Variants in GPM6B observed in about 807,000 individuals in gnomAD.
GPM6B encodes the protein glycoprotein M6B.
Under a neutral mutation model 27.2 loss-of-function variants are expected in GPM6B, and 4 were observed. That is an observed-to-expected ratio of 0.15 (90% CI 0.07 to 0.34). The LOEUF (loss-of-function observed/expected upper bound fraction) is 0.34, where lower values mean the gene tolerates loss of function less well. GPM6B is among the 10% of genes least tolerant of loss of function. The probability of loss-of-function intolerance (pLI) is 1.00; values close to 1 mark genes in which losing one functional copy is unlikely to be tolerated. For synonymous variants in GPM6B, 124 were observed against 103.1 expected, an observed-to-expected ratio of 1.20 and a Z score of -1.23; for missense variants, 183 against 261.9, an observed-to-expected ratio of 0.70 and a Z score of 2.08.
At chrX:13,919,514 A>C (rs1051842622) in intron 1 of GPM6B, among the ~76,000 whole-genome samples, 1 of 112,404 alleles carries the variant, frequency 8.9e-6, no homozygotes, top group Non-Finnish European at 1.9e-5. Context: ...TAGAGATCCA[A>C]ATATATTTAG....
In GPM6B at chrX:13,780,296, C is replaced by G. The variant is rs1198355564; in HGVS notation, c.526-307G>C. 7.1e-5 allele frequency among the ~76,000 whole-genome samples: 8 copies of G among 111,908 alleles called. No homozygotes were observed. The Admixed American group carries it at 7.6e-4, about 11-fold the overall frequency. On this transcript the variant is annotated intron_variant, in intron 4 of 7. Coordinates refer to ENST00000316715, the MANE Select transcript of GPM6B (RefSeq NM_001001995.3). ...AGGTGATCTCACTCATCCAAGGTCACAGAGCTAATCAGTGGCAGCCTCTCA... is the reference window on the plus strand; with the variant it reads ...AGGTGATCTCACTCATCCAAGGTCAGAGAGCTAATCAGTGGCAGCCTCTCA...
chrX:13,813,145 A>G (rs1024377725), intron 1 of GPM6B, among the ~76,000 whole-genome samples: 3 of 111,599 alleles, frequency 2.7e-5, no homozygotes, highest in Non-Finnish European at 3.8e-5. Flanking sequence ...TTCGCAGATC[A>G]TCAGGAATAG....
chrX:13,831,956 C>T (rs1010094824), intron 1 of GPM6B, among the ~76,000 whole-genome samples: 1 of 111,416 alleles, frequency 9.0e-6, no homozygotes, highest in African/African-American at 3.3e-5. Flanking sequence ...ACTTAACATT[C>T]GAATGTATTT....
rs1343742582 is a variant in GPM6B, at chrX:13,817,003, C to T, written c.-99G>A. The T allele has an allele frequency of 3.5e-6, 4 of 1,135,652 alleles. No homozygotes were observed. The highest frequency in any genetic ancestry group is 1.9e-5 in the African/African-American group (1 of 53,741). The allele number at this position is 1,135,652 out of a possible 1,213,427, so 93.6% of individuals were successfully genotyped here. On this transcript the variant is annotated 5_prime_UTR_variant, in exon 1 of 8. Transcript: ENST00000316715. ...TGGACTCCCCTCCGTCTCTTATTTA[C>T]ACCCGTCTGATTGAGAGGCTCTGTT...
Position 13,796,934 on chromosome X carries a change from A to T in GPM6B, c.181+10716T>A, listed in dbSNP as rs190354901. 8.9e-5 allele frequency among the ~76,000 whole-genome samples: 10 copies of T among 112,592 alleles called. No individual in the cohort carries two copies. In the East Asian group the frequency reaches 2.5e-3, roughly 28 times the overall value. On this transcript the variant is annotated intron_variant, in intron 2 of 7. Coordinates refer to ENST00000316715, the MANE Select transcript of GPM6B (RefSeq NM_001001995.3). ...GGCTTTGGTTTTCCCAAAGGCTTTT[A>T]GCCTGGTAAAGTGGGACAGCAAGGA...
At chrX:13,825,530 A>G (rs945247203) in intron 1 of GPM6B, among the ~76,000 whole-genome samples, 2 of 112,361 alleles carry the variant, frequency 1.8e-5, no homozygotes, top group African/African-American at 6.5e-5. Context: ...GAATTTTAAG[A>G]AGGAGGGGGT....
intron 1 of GPM6B, among the ~76,000 whole-genome samples, chrX:13,916,034 C>T (rs746016530): frequency 3.6e-5 from 4 of 111,958 alleles, no homozygotes; most frequent in East Asian, 5.6e-4. Flanking sequence ...CTGAAAGGCT[C>T]GGCCGGATTT....
At chrX:13,923,760 T>C (rs763249251) in intron 1 of GPM6B, among the ~76,000 whole-genome samples, 1 of 112,733 alleles carries the variant, frequency 8.9e-6, no homozygotes, top group African/African-American at 3.2e-5. Flanking sequence ...CTTTTTTCTT[T>C]CTTTCAACCA....
intron 1 of GPM6B, among the ~76,000 whole-genome samples, chrX:13,917,866 T>C (rs2050443564): frequency 2.7e-5 from 3 of 112,723 alleles, no homozygotes; most frequent in East Asian, 2.8e-4. Flanking sequence ...GGTAATTTGC[T>C]ACATTCAGAA....
In GPM6B at chrX:13,802,100, C is replaced by T. The variant is rs554042039; in HGVS notation, c.181+5550G>A. Among the ~76,000 whole-genome samples, 120 of 110,934 alleles carry T rather than the reference C, an allele frequency of 1.1e-3. 2 individuals carry two copies. The South Asian group carries it at 0.043, about 40-fold the overall frequency. ...GCTACTTCAGAGTAATTCCAGTTAC[C>T]TCTAAGGGTGGCAAAAGATTTCAAA... On this transcript the variant is annotated intron_variant, in intron 2 of 7. Coordinates refer to ENST00000316715, the MANE Select transcript of GPM6B (RefSeq NM_001001995.3).
chrX:13,785,547 C>G (rs1049927625), intron 3 of GPM6B, 75 bp downstream of exon 3: 1 of 1,021,095 alleles, frequency 9.8e-7, no homozygotes, highest in Non-Finnish European at 1.4e-6. Flanking sequence ...CTCAGCCTCC[C>G]AAATTGCTGG....
chrX:13,877,447 A>C (rs4830900), intron 1 of GPM6B, among the ~76,000 whole-genome samples: 52,658 of 109,211 alleles, frequency 0.48, 10,989 homozygotes, highest in African/African-American at 0.76. Flanking sequence ...CATTTAAGTG[A>C]AGTATTAAGA....
At chrX:13,781,360 G>A (rs1224451984) in intron 4 of GPM6B, among the ~76,000 whole-genome samples, 2 of 112,165 alleles carry the variant, frequency 1.8e-5, no homozygotes, top group Non-Finnish European at 3.8e-5. Context: ...GTCAAGCTGG[G>A]AACTGCGACA....
At chrX:13,813,273 T>TA (rs1171051077) in intron 1 of GPM6B, among the ~76,000 whole-genome samples, 474 of 105,824 alleles carry the variant, frequency 4.5e-3, no homozygotes, top group African/African-American at 0.011. Context: ...TTTGCTAAAT[T>TA]AAAAAAAAAA....
chrX:13,888,800 G>A (rs1569287869), intron 1 of GPM6B, among the ~76,000 whole-genome samples: 1 of 111,530 alleles, frequency 9.0e-6, no homozygotes, highest in Admixed American at 9.6e-5. Context: ...TGATTCTGAT[G>A]GTAACAATAC....
At chrX:13,823,621 G>C (rs2049337256) in intron 1 of GPM6B, among the ~76,000 whole-genome samples, 1 of 108,649 alleles carries the variant, frequency 9.2e-6, no homozygotes, top group Non-Finnish European at 1.9e-5. Context: ...TCGAGTTCAA[G>C]CGATTCTCCT....
chrX:13,880,414 G>A (rs909564707), intron 1 of GPM6B, among the ~76,000 whole-genome samples: 2 of 110,834 alleles, frequency 1.8e-5, no homozygotes, highest in African/African-American at 6.6e-5. Flanking sequence ...GGTGGCTCAC[G>A]CCTGTAATCC....
At chrX:13,841,105 CACAT>C (rs940073501) in intron 1 of GPM6B, among the ~76,000 whole-genome samples, 7 of 108,406 alleles carry the variant, frequency 6.5e-5, no homozygotes, top group Non-Finnish European at 1.3e-4. Context: ...CATGTGCCCA[CACAT>C]ACACATTTAT....
intron 1 of GPM6B, among the ~76,000 whole-genome samples, chrX:13,825,697 C>T (rs1177724009): frequency 1.8e-5 from 2 of 112,612 alleles, no homozygotes. Context: ...GAAGAGGAAG[C>T]AGGGGCAGCC....
Sources: allele counts gnomAD v4.1 joint callset (sites outside exome capture counted in the v4.1 genomes callset), GRCh38; gene constraint gnomAD v4.1.1; transcripts MANE v1.5; gene names NCBI Gene and HGNC (gene_info 2026-07-23, HGNC 2026-07-21).